The following ZFHX3 variants were observed in gnomAD, a reference collection of about 807,000 sequenced individuals.
ZFHX3 encodes zinc finger homeobox 3, also known as zinc finger homeobox protein 3.
In ZFHX3, 42 loss-of-function variants were observed where a neutral mutation model predicts 279.1. The observed-to-expected ratio is 0.15, with a 90% CI of 0.12 to 0.19. ZFHX3 has a LOEUF of 0.19. Ranked by LOEUF, ZFHX3 falls within the 10% of genes least tolerant of loss-of-function variation. ZFHX3 has a pLI of 1.00. For missense variants in ZFHX3, 4,981 were observed against 4,754.0 expected, an observed-to-expected ratio of 1.05 and a Z score of -1.40; for synonymous variants, 2,293 against 1,957.8, an observed-to-expected ratio of 1.17 and a Z score of -4.52.
chr16:73,590,150 A>T (rs544718107), intron 2 of ZFHX3, among the ~76,000 whole-genome samples: 1 of 152,306 alleles, frequency 6.6e-6, no homozygotes, highest in South Asian at 2.1e-4. Flanking sequence ...GTAGGTGAGT[A>T]AAAACCTGCA....
At chr16:73,083,680 C>A (rs191491979) in intron 8 of ZFHX3, among the ~76,000 whole-genome samples, 1 of 152,202 alleles carries the variant, frequency 6.6e-6, no homozygotes. Context: ...CAGGTGCGCA[C>A]CATCACACCT....
chr16:73,021,515 G>C (rs1394619687), intron 1 of ZFHX3, among the ~76,000 whole-genome samples: 1 of 152,142 alleles, frequency 6.6e-6, no homozygotes, highest in Non-Finnish European at 1.5e-5. Flanking sequence ...ATTGAGCTCA[G>C]ACTAGATCGG....
intron 2 of ZFHX3, among the ~76,000 whole-genome samples, chr16:73,482,100 G>C (rs180845205): frequency 6.6e-5 from 10 of 152,156 alleles, no homozygotes; most frequent in Admixed American, 1.3e-4. Context: ...GCCACTCAGC[G>C]CAAGTGTATA....
chr16:73,322,114 C>T (rs2015586309), intron 3 of ZFHX3, among the ~76,000 whole-genome samples: 1 of 152,174 alleles, frequency 6.6e-6, no homozygotes, highest in African/African-American at 2.4e-5. Flanking sequence ...CAACAGTAGC[C>T]CTACACACAG....
At chr16:72,972,023 T>C (rs1712057336) in intron 1 of ZFHX3, among the ~76,000 whole-genome samples, 1 of 151,680 alleles carries the variant, frequency 6.6e-6, no homozygotes, top group South Asian at 2.1e-4. Context: ...GCAACTGGGA[T>C]TACAGGTGCA....
intron 5 of ZFHX3, among the ~76,000 whole-genome samples, chr16:73,157,535 T>C (rs1967123325): frequency 6.7e-6 from 1 of 149,530 alleles, no homozygotes; most frequent in Admixed American, 6.7e-5. Flanking sequence ...TTATGCCATT[T>C]TTCAGCTCCT....
intron 3 of ZFHX3, among the ~76,000 whole-genome samples, chr16:73,361,970 T>C (rs1399780084): frequency 6.6e-6 from 1 of 152,150 alleles, no homozygotes; most frequent in East Asian, 1.9e-4. Flanking sequence ...CTCATGCTTG[T>C]CATGAACCTA....
At chr16:72,989,461 G>A (rs1361880197) in intron 1 of ZFHX3, among the ~76,000 whole-genome samples, 2 of 150,040 alleles carry the variant, frequency 1.3e-5, no homozygotes, top group Admixed American at 6.6e-5. Context: ...CAGCCTGGGC[G>A]ACAGACACTC....
intron 3 of ZFHX3, among the ~76,000 whole-genome samples, chr16:72,933,416 A>G (rs1176703584): frequency 6.6e-6 from 1 of 152,134 alleles, no homozygotes; most frequent in Non-Finnish European, 1.5e-5. Flanking sequence ...ACATTTCACC[A>G]TTAGGTTTTA....
chr16:73,848,933 GA>G lies in ZFHX3; in HGVS notation c.-1608+42717del, dbSNP rs138185682. Among the ~76,000 whole-genome samples, 1,244 of 152,284 alleles carry G rather than the reference GA, an allele frequency of 8.2e-3. 18 individuals are homozygous for G. The highest frequency in any genetic ancestry group is 0.028 in the African/African-American group (1,172 of 41,540). ...CAACTACAAGCCACATTCCTTCCAG[GA>G]CTTGAAATTCCCAAGGGTTTTCTTT... On this transcript the variant is annotated intron_variant, in intron 1 of 17. Coordinates refer to the ZFHX3 transcript ENST00000641206.
chr16:72,816,772 C>T (rs181680138), intron 5 of ZFHX3, among the ~76,000 whole-genome samples: 16 of 152,318 alleles, frequency 1.1e-4, no homozygotes, highest in African/African-American at 2.9e-4. Flanking sequence ...ATTTTATCCT[C>T]TTAGGCTCCT....
intron 3 of ZFHX3, among the ~76,000 whole-genome samples, chr16:73,432,959 A>G (rs564049699): frequency 6.6e-6 from 1 of 152,332 alleles, no homozygotes; most frequent in African/African-American, 2.4e-5. Flanking sequence ...ATATTGAGAT[A>G]ATCACTCTAC....
At chr16:73,743,382 A>G (rs1236762030) in intron 1 of ZFHX3, among the ~76,000 whole-genome samples, 2 of 152,214 alleles carry the variant, frequency 1.3e-5, no homozygotes, top group Admixed American at 6.5e-5. Context: ...ATTACAATAC[A>G]CAATACTTAT....
At chr16:72,944,759 TA>T (rs1260529472) in intron 3 of ZFHX3, among the ~76,000 whole-genome samples, 1 of 152,172 alleles carries the variant, frequency 6.6e-6, no homozygotes, top group Non-Finnish European at 1.5e-5. Context: ...CATGGAATGC[TA>T]ACCTTTTAAG....
chr16:73,682,924 GAGAAAGAAAGAA>G lies in ZFHX3; in HGVS notation c.-1607-2696_-1607-2685del, dbSNP rs764517017. Among the ~76,000 whole-genome samples, 148 of 43,474 alleles carry G rather than the reference GAGAAAGAAAGAA, an allele frequency of 3.4e-3. 3 individuals carry two copies. The highest frequency in any genetic ancestry group is 5.8e-3 in the Non-Finnish European group (120 of 20,722). The allele number at this position is 43,474 out of a possible 152,430, so 28.5% of individuals were successfully genotyped here. On this transcript the variant is annotated intron_variant, in intron 1 of 17. Coordinates refer to the ZFHX3 transcript ENST00000641206. ...AAAGAAAGAGAAAGAAAGAGAGAAAGAGAAAGAAAGAAAGAAAGAAAGAAAGAAAGAAAGAAA... is the reference window on the plus strand; with the variant it reads ...AAAGAAAGAGAAAGAAAGAGAGAAAGAGAAAGAAAGAAAGAAAGAAAGAAA...
chr16:73,372,921 A>G (rs2016656902), intron 3 of ZFHX3, among the ~76,000 whole-genome samples: 2 of 151,970 alleles, frequency 1.3e-5, no homozygotes. Context: ...CTTCACACAC[A>G]CCTCTTCCTG....
chr16:73,542,008 G>T (rs1428932754), intron 2 of ZFHX3, among the ~76,000 whole-genome samples: 2 of 151,718 alleles, frequency 1.3e-5, no homozygotes, highest in Non-Finnish European at 2.9e-5. Context: ...CACCATGTTG[G>T]CCAGGATGGT....
intron 1 of ZFHX3, among the ~76,000 whole-genome samples, chr16:73,053,454 G>A (rs11861998): frequency 4.2e-4 from 64 of 152,108 alleles, no homozygotes; most frequent in Admixed American, 2.0e-3. Context: ...CAAAGTCTCC[G>A]AGTCGTCATT....
intron 2 of ZFHX3, among the ~76,000 whole-genome samples, chr16:73,478,982 G>A (rs1038649438): frequency 1.1e-4 from 16 of 152,260 alleles, no homozygotes; most frequent in African/African-American, 3.8e-4. Context: ...AACCCGGGAG[G>A]CAGATGTTGC....
Sources: allele counts gnomAD v4.1 joint callset (sites outside exome capture counted in the v4.1 genomes callset), GRCh38; gene constraint gnomAD v4.1.1; transcripts MANE v1.5; gene names NCBI Gene and HGNC (gene_info 2026-07-23, HGNC 2026-07-21).